The following MALRD1 variants were observed in gnomAD, a reference collection of about 807,000 sequenced individuals.
MALRD1 encodes MAM and LDL-receptor class A domain-containing protein 1.
A neutral mutation model predicts 242.1 loss-of-function variants in MALRD1; 247 were observed. That is an observed-to-expected ratio of 1.02 (90% confidence interval 0.92 to 1.13). The LOEUF (loss-of-function observed/expected upper bound fraction) is 1.13, where lower values mean the gene tolerates loss of function less well. Among genes scored for constraint, MALRD1 ranks in the 50% most tolerant of loss-of-function variants. The probability of loss-of-function intolerance (pLI) is 0.00; values close to 1 mark genes in which losing one functional copy is unlikely to be tolerated. For missense variants in MALRD1, 2,989 were observed against 2,533.1 expected, an observed-to-expected ratio of 1.18 and a Z score of -3.86; for synonymous variants, 995 against 866.6, an observed-to-expected ratio of 1.15 and a Z score of -2.60.
chr10:19,060,930 AT>A (rs1834805198), intron 1 of MALRD1, among the ~76,000 whole-genome samples: 1 of 152,178 alleles, frequency 6.6e-6, no homozygotes, highest in African/African-American at 2.4e-5. Flanking sequence ...GTGAAATACT[AT>A]GTAGCCATAA....
intron 18 of MALRD1, among the ~76,000 whole-genome samples, chr10:19,211,071 T>A (rs1837030465): frequency 6.6e-6 from 1 of 152,212 alleles, no homozygotes. Context: ...TAACGTCTCA[T>A]TGGGTCAATT....
chr10:19,553,332 T>C (rs1472481311), intron 32 of MALRD1, among the ~76,000 whole-genome samples: 1 of 152,190 alleles, frequency 6.6e-6, no homozygotes, highest in Non-Finnish European at 1.5e-5. Context: ...TATGTATATA[T>C]TGAATTCTTC....
At chr10:19,478,065 C>T (rs967223113) in intron 29 of MALRD1, among the ~76,000 whole-genome samples, 2 of 152,112 alleles carry the variant, frequency 1.3e-5, no homozygotes, top group Admixed American at 6.6e-5. Flanking sequence ...AGAAATGATT[C>T]GGGGGCTGCT....
Position 19,128,320 on chromosome 10 carries a change from G to T in MALRD1, c.1043G>T (p.Ser348Ile), listed in dbSNP as rs1053086026. ...NSSVCHCLGK[S>I]CHLQFYYAME... is the part of the protein sequence containing the mutation. Reference sequence around the variant, plus strand: ...TCTGTGTGTCATTGCCTGGGCAAGAGCTGTCATCTTCAATTCTATTATGCA... The same window carrying T: ...TCTGTGTGTCATTGCCTGGGCAAGATCTGTCATCTTCAATTCTATTATGCA... The change falls in exon 8 of 40, where the codon AGC (serine) becomes ATC (isoleucine). Residue 348 changes from serine (S) to isoleucine (I), a missense_variant. Ser to Ile is a moderately radical substitution (Grantham distance 142). Transcript: ENST00000454679. 1.6e-6 allele frequency: 2 copies of T among 1,233,352 alleles called. No homozygotes were observed. Among genetic ancestry groups the T allele is most frequent in the Admixed American group, 4.2e-5 (1 of 23,696 alleles). The allele number at this position is 1,233,352 out of a possible 1,614,324, so 76.4% of individuals were successfully genotyped here. A position where few individuals can be genotyped will look rare whatever the true frequency, so the allele number is the denominator to read the frequency against.
intron 19 of MALRD1, among the ~76,000 whole-genome samples, chr10:19,265,768 T>C (rs79270156): frequency 0.015 from 2,312 of 152,210 alleles, 61 homozygotes; most frequent in African/African-American, 0.053. Flanking sequence ...TCAATGTTTC[T>C]TAATTGATTT....
chr10:19,315,710 A>G (rs1466111596), intron 21 of MALRD1, among the ~76,000 whole-genome samples: 2 of 135,482 alleles, frequency 1.5e-5, no homozygotes, highest in African/African-American at 2.8e-5. Context: ...TACATATTTA[A>G]TTATATATTG....
chr10:19,218,799 A>G (rs1055215080), intron 18 of MALRD1, among the ~76,000 whole-genome samples: 2 of 152,146 alleles, frequency 1.3e-5, no homozygotes, highest in African/African-American at 4.8e-5. Context: ...CACAGAAGTA[A>G]ATATAATCAC....
intron 28 of MALRD1, among the ~76,000 whole-genome samples, chr10:19,440,486 C>T (rs1034380552): frequency 2.0e-5 from 3 of 151,832 alleles, no homozygotes; most frequent in Admixed American, 6.6e-5. Context: ...TAATACTATC[C>T]CTCCCCCCGC....
chr10:19,578,327 T>C (rs34773396), intron 33 of MALRD1, among the ~76,000 whole-genome samples: 6,596 of 152,246 alleles, frequency 0.043, 236 homozygotes, highest in Middle Eastern at 0.1. Flanking sequence ...AAACAGTGAC[T>C]GTGTATACAT....
At chr10:19,544,870 G>A (rs1261288562) in intron 32 of MALRD1, among the ~76,000 whole-genome samples, 1 of 152,048 alleles carries the variant, frequency 6.6e-6, no homozygotes, top group Non-Finnish European at 1.5e-5. Context: ...ATAATATCAA[G>A]CAGTGGGCAA....
intron 21 of MALRD1, among the ~76,000 whole-genome samples, chr10:19,293,199 AG>A (rs1841531567): frequency 6.6e-6 from 1 of 152,204 alleles, no homozygotes; most frequent in African/African-American, 2.4e-5. Flanking sequence ...GTTAAATACC[AG>A]TCCTTAGAAA....
chr10:19,099,795 T>C (rs1836185240), intron 4 of MALRD1, among the ~76,000 whole-genome samples: 1 of 151,096 alleles, frequency 6.6e-6, no homozygotes, highest in South Asian at 2.1e-4. Context: ...AGATGGAATC[T>C]CACTCTGTCA....
intron 39 of MALRD1, among the ~76,000 whole-genome samples, chr10:19,731,038 A>G (rs1481578367): frequency 6.6e-6 from 1 of 152,178 alleles, no homozygotes; most frequent in East Asian, 1.9e-4. Context: ...TGTGGTCACT[A>G]TTTATACTCA....
intron 14 of MALRD1, among the ~76,000 whole-genome samples, chr10:19,176,366 C>CCTTTTTTTT (rs1484132630): frequency 3.4e-5 from 3 of 87,292 alleles, no homozygotes; most frequent in African/African-American, 1.3e-4. Context: ...TTTCTGGGTG[C>CCTTTTTTTT]TTTTTTTTTT....
At chr10:19,320,560 A>G (rs1564559737) in intron 21 of MALRD1, among the ~76,000 whole-genome samples, 1 of 152,250 alleles carries the variant, frequency 6.6e-6, no homozygotes, top group East Asian at 1.9e-4. Flanking sequence ...TAGTAGAATG[A>G]TTTATATTCC....
Position 19,720,114 on chromosome 10 carries a change from G to T in MALRD1, c.6315-10592G>T, listed in dbSNP as rs745582626. 2.6e-5 allele frequency among the ~76,000 whole-genome samples: 4 copies of T among 152,022 alleles called. No homozygotes were observed. The East Asian group carries it at 7.7e-4, about 29-fold the overall frequency. On this transcript the variant is annotated intron_variant, in intron 38 of 39. Coordinates refer to ENST00000454679, the MANE Select transcript of MALRD1 (RefSeq NM_001142308.3). The stretch of plus-strand genomic sequence containing the variant: ...TGCAATGATGTAAATTATAAGCTTG[G>T]TGTTGACTATAAATTATAAGCTTGG...
At chr10:19,490,505 G>A (rs937062798) in intron 29 of MALRD1, among the ~76,000 whole-genome samples, 6 of 43,882 alleles carry the variant, frequency 1.4e-4, no homozygotes, top group African/African-American at 4.2e-4. Flanking sequence ...GCCAAGTGGG[G>A]CGGGGGGGGG....
chr10:19,322,052 T>G (rs571934843), intron 21 of MALRD1, among the ~76,000 whole-genome samples: 9 of 152,270 alleles, frequency 5.9e-5, no homozygotes, highest in Admixed American at 5.2e-4. Flanking sequence ...AGAACTCAAT[T>G]TCCTGGTGGA....
At chr10:19,331,347 T>C (rs1170310901) in intron 23 of MALRD1, 22 bp from the exon 24 acceptor site, 3 of 1,542,532 alleles carry the variant, frequency 1.9e-6, no homozygotes, top group Admixed American at 3.9e-5. Context: ...ACAGTTTAAC[T>C]GTAACTGGCT....
Sources: allele counts gnomAD v4.1 joint callset (sites outside exome capture counted in the v4.1 genomes callset), GRCh38; gene constraint gnomAD v4.1.1; transcripts MANE v1.5; gene names NCBI Gene and HGNC (gene_info 2026-07-23, HGNC 2026-07-21).